The following NQO2 variants were observed in gnomAD, a reference collection of about 807,000 sequenced individuals.
NQO2 encodes ribosyldihydronicotinamide dehydrogenase [quinone].
NQO2 carries 18 observed loss-of-function variants against 22.0 expected under a neutral mutation model. The ratio of observed to expected loss-of-function variants is 0.82; its 90% confidence interval spans 0.56 to 1.21. The LOEUF (loss-of-function observed/expected upper bound fraction) is 1.21, where lower values mean the gene tolerates loss of function less well. Ranked by LOEUF, NQO2 falls within the 50% of genes most tolerant of loss-of-function variation. The pLI is 0.00. For synonymous variants in NQO2, 106 were observed against 110.8 expected (o/e 0.96, Z 0.28); for missense variants, 267 against 286.9 (o/e 0.93, Z 0.50).
intron 1 of NQO2, among the ~76,000 whole-genome samples, chr6:3,001,090 C>CTT (rs66489312): frequency 8.8e-6 from 1 of 114,226 alleles, no homozygotes; most frequent in Non-Finnish European, 1.8e-5. Context: ...CTTTCTTTTT[C>CTT]TTTTTTTTTT....
rs1172690559 is a variant in NQO2, at chr6:3,013,209, C to T, written c.303+535C>T. 5.3e-5 allele frequency among the ~76,000 whole-genome samples: 8 copies of T among 152,182 alleles called. No homozygotes were observed. In the East Asian group the frequency reaches 1.4e-3, roughly 26 times the overall value. ...TGACCTCGTGATCCACCCGCCTCGG[C>T]CTCCCAAAGTGCTGGGATTACAGGC... On this transcript the variant is annotated intron_variant, in intron 4 of 6. Coordinates refer to ENST00000380455, the MANE Select transcript of NQO2 (RefSeq NM_000904.6).
At chr6:3,015,699 T>C in intron 5 of NQO2, 56 bp downstream of exon 5, 2 of 1,494,128 alleles carry the variant, frequency 1.3e-6, no homozygotes, top group Non-Finnish European at 1.9e-6. Context: ...GGACAGAGGA[T>C]GCGTCTTCTA....
chr6:3,001,031 T>G (rs1756682303), intron 1 of NQO2, among the ~76,000 whole-genome samples: 2 of 151,054 alleles, frequency 1.3e-5, no homozygotes, highest in African/African-American at 2.4e-5. Context: ...TTAGTACAGG[T>G]GGGAGTTTCA....
chr6:3,007,500 T>C (rs1033039700), intron 2 of NQO2, among the ~76,000 whole-genome samples: 1 of 152,248 alleles, frequency 6.6e-6, no homozygotes, highest in African/African-American at 2.4e-5. Flanking sequence ...CTGATACGTG[T>C]ATCTTTTCCT....
intron 6 of NQO2, among the ~76,000 whole-genome samples, chr6:3,017,795 G>A (rs1026540950): frequency 3.3e-5 from 5 of 152,174 alleles, no homozygotes; most frequent in African/African-American, 7.2e-5. Context: ...GAGGTTTGTC[G>A]AGACAGGGGG....
At chr6:3,014,619 C>G (rs1167262853) in intron 4 of NQO2, among the ~76,000 whole-genome samples, 2 of 152,196 alleles carry the variant, frequency 1.3e-5, no homozygotes, top group African/African-American at 4.8e-5. Flanking sequence ...CATTTCCCTA[C>G]TTTCCCTTTT....
chr6:3,011,832 T>C (rs973378914), intron 3 of NQO2, among the ~76,000 whole-genome samples: 1 of 152,062 alleles, frequency 6.6e-6, no homozygotes, highest in Non-Finnish European at 1.5e-5. Context: ...ACCCAGCAAA[T>C]CTAGCCTTCA....
intron 3 of NQO2, among the ~76,000 whole-genome samples, chr6:3,011,847 TGAAA>T (rs1304376745): frequency 2.0e-5 from 3 of 152,152 alleles, no homozygotes. Context: ...CCTTCAACTC[TGAAA>T]GAGAGAGAGT....
At chr6:3,009,169 G>T (rs908579969) in intron 2 of NQO2, among the ~76,000 whole-genome samples, 1 of 152,180 alleles carries the variant, frequency 6.6e-6, no homozygotes, top group Admixed American at 6.5e-5. Flanking sequence ...CTGCCGCCCC[G>T]AAGCGGCCAT....
At position 3,019,517 on chromosome 6, in the gene NQO2, C is replaced by A. The variant is rs538337212; in HGVS notation, c.558C>A (p.Ala186=). The A allele has an allele frequency of 6.2e-7, 1 of 1,614,076 alleles. No homozygotes were observed. The highest frequency in any genetic ancestry group is 1.7e-5 in the Admixed American group (1 of 60,010). The change falls in exon 7 of 7, where the codon GCC becomes GCA. Residue 186 remains alanine (A), a synonymous_variant. Transcript: ENST00000380455. ...ACTTCTGTGGATTTAAAGTCCTTGCCCCTCAGATCAGCTTTGCTCCTGAAA... is the reference window on the plus strand; with the variant it reads ...ACTTCTGTGGATTTAAAGTCCTTGCACCTCAGATCAGCTTTGCTCCTGAAA... ...TLHFCGFKVL[A]PQISFAPEIA... is the part of the protein sequence containing the mutation.
At chr6:3,002,739 C>T (rs1756778555) in intron 1 of NQO2, among the ~76,000 whole-genome samples, 1 of 152,044 alleles carries the variant, frequency 6.6e-6, no homozygotes, top group Non-Finnish European at 1.5e-5. Flanking sequence ...CATCTACCAC[C>T]ATCCACTCTT....
At chr6:3,009,995 C>T in intron 2 of NQO2, 30 bp from the exon 3 acceptor site, 2 of 1,588,028 alleles carry the variant, frequency 1.3e-6, no homozygotes, top group Non-Finnish European at 1.7e-6. Context: ...GGTTGTTCTT[C>T]AAGAGGAACT....
intron 3 of NQO2, among the ~76,000 whole-genome samples, chr6:3,011,354 A>G (rs1013219318): frequency 1.3e-5 from 2 of 152,248 alleles, no homozygotes; most frequent in African/African-American, 4.8e-5. Context: ...AGAATGGATG[A>G]AGCAGAAGAA....
chr6:3,011,302 G>A (rs1326372779), intron 3 of NQO2, among the ~76,000 whole-genome samples: 1 of 152,152 alleles, frequency 6.6e-6, no homozygotes, highest in Non-Finnish European at 1.5e-5. Flanking sequence ...CTTGGAACTA[G>A]AAATACATTT....
chr6:3,013,634 G>A (rs536032494), intron 4 of NQO2, among the ~76,000 whole-genome samples: 1 of 152,216 alleles, frequency 6.6e-6, no homozygotes, highest in East Asian at 1.9e-4. Context: ...TCACAAGGAG[G>A]TGATGCCACT....
chr6:3,006,487 A>G lies in NQO2; in HGVS notation c.-66A>G, dbSNP rs374978384. 8 of 1,611,852 alleles carry G rather than the reference A, an allele frequency of 5.0e-6. No individual in the cohort carries two copies. Among genetic ancestry groups the G allele is most frequent in the African/African-American group, 1.3e-5 (1 of 74,800 alleles). On this transcript the variant is annotated 5_prime_UTR_variant, in exon 2 of 7. Transcript: ENST00000380455. This position sits in a 1 kb window ranked among gnomAD's most constrained non-coding sequence, Gnocchi z 4.0. ...TTCCAGATTGCTGGACTCGCTGAAGAGAGACTACGCAGGAAAGCCCCAGCC... is the reference window on the plus strand; with the variant it reads ...TTCCAGATTGCTGGACTCGCTGAAGGGAGACTACGCAGGAAAGCCCCAGCC...
chr6:3,017,328 G>T (rs563273402), intron 6 of NQO2, among the ~76,000 whole-genome samples: 1 of 152,208 alleles, frequency 6.6e-6, no homozygotes, highest in Admixed American at 6.5e-5. Context: ...GTGGCCCTGC[G>T]TGTGTTGTGA....
chr6:3,000,365 A>G (rs1772919010), intron 1 of NQO2: 2 of 152,286 alleles, frequency 1.3e-5, no homozygotes, highest in African/African-American at 4.8e-5. Context: ...CAGCGGGCCC[A>G]AGGTCAGTCT....
intron 4 of NQO2, among the ~76,000 whole-genome samples, chr6:3,014,624 C>A (rs765941966): frequency 4.6e-5 from 7 of 152,310 alleles, no homozygotes; most frequent in Non-Finnish European, 8.8e-5. Context: ...CCCTACTTTC[C>A]CTTTTTTTCT....
Sources: gnomAD v4.1 joint callset for allele counts (sites outside exome capture counted in the v4.1 genomes callset) on GRCh38, gnomAD v4.1.1 for gene constraint, Gnocchi (gnomAD v3.1) non-coding constraint, MANE v1.5 for transcripts, NCBI Gene and HGNC (gene_info 2026-07-23, HGNC 2026-07-21) for gene names.